LRRC4C: variants seen among roughly 807,000 people sequenced by gnomAD.
LRRC4C encodes the protein leucine rich repeat containing 4C.
LRRC4C carries 5 observed loss-of-function variants against 33.6 expected under a neutral mutation model. The observed-to-expected ratio is 0.15, with a 90% confidence interval of 0.08 to 0.31. The LOEUF is 0.31. Among genes scored for constraint, LRRC4C ranks in the 10% least tolerant of loss-of-function variants. The pLI is 1.00. For synonymous variants in LRRC4C, 329 were observed against 302.0 expected (o/e 1.09, Z -0.93); for missense variants, 560 against 796.7 (o/e 0.70, Z 3.58).
intron 1 of LRRC4C, among the ~76,000 whole-genome samples, chr11:41,124,936 C>T (rs2135793803): frequency 6.6e-6 from 1 of 152,210 alleles, no homozygotes; most frequent in South Asian, 2.1e-4. Flanking sequence ...CTGGGATACC[C>T]AACCCCATCA....
At chr11:40,673,537 C>T (rs557340182) in intron 2 of LRRC4C, among the ~76,000 whole-genome samples, 1 of 152,196 alleles carries the variant, frequency 6.6e-6, no homozygotes, top group South Asian at 2.1e-4. Context: ...AGAAAAGTAG[C>T]ATAACTTTCT....
chr11:40,748,757 C>T (rs1257881010), intron 2 of LRRC4C, among the ~76,000 whole-genome samples: 1 of 151,944 alleles, frequency 6.6e-6, no homozygotes. Flanking sequence ...TATAAAGACA[C>T]ATATAGATTG....
chr11:40,198,556 G>A (rs1862452463), intron 5 of LRRC4C, among the ~76,000 whole-genome samples: 1 of 152,180 alleles, frequency 6.6e-6, no homozygotes, highest in African/African-American at 2.4e-5. Context: ...TCCTTTGAGA[G>A]AGTTCCAGAA....
At chr11:40,707,250 G>A (rs1480118229) in intron 2 of LRRC4C, among the ~76,000 whole-genome samples, 2 of 152,132 alleles carry the variant, frequency 1.3e-5, no homozygotes, top group Non-Finnish European at 2.9e-5. Context: ...ACCCTATGTT[G>A]AATAGGAGTG....
At chr11:40,589,846 C>A (rs1243587249) in intron 3 of LRRC4C, among the ~76,000 whole-genome samples, 1 of 149,340 alleles carries the variant, frequency 6.7e-6, no homozygotes, top group Admixed American at 6.7e-5. Flanking sequence ...CCGAGAGATC[C>A]GCTGTTAGTC....
intron 3 of LRRC4C, among the ~76,000 whole-genome samples, chr11:40,522,127 A>G (rs1225600765): frequency 6.6e-6 from 1 of 152,162 alleles, no homozygotes; most frequent in Non-Finnish European, 1.5e-5. Flanking sequence ...GGTTCAAGCC[A>G]TTCTCCTGCC....
chr11:41,180,187 G>A (rs1331136253), intron 1 of LRRC4C, among the ~76,000 whole-genome samples: 2 of 152,108 alleles, frequency 1.3e-5, no homozygotes, highest in African/African-American at 4.8e-5. Context: ...AGGTCAATGC[G>A]ACTAGAGCAA....
chr11:41,159,905 TAG>T, intron 1 of LRRC4C, among the ~76,000 whole-genome samples: 1 of 152,196 alleles, frequency 6.6e-6, no homozygotes, highest in East Asian at 1.9e-4. Flanking sequence ...TGGAATATTA[TAG>T]AGTCATTAAA....
At chr11:40,571,450 G>T (rs1005660408) in intron 3 of LRRC4C, among the ~76,000 whole-genome samples, 5 of 152,124 alleles carry the variant, frequency 3.3e-5, no homozygotes, top group African/African-American at 1.2e-4. Flanking sequence ...ATTGCAGTAT[G>T]AAATAGAAAA....
intron 3 of LRRC4C, among the ~76,000 whole-genome samples, chr11:40,570,390 A>T: frequency 6.6e-6 from 1 of 152,092 alleles, no homozygotes; most frequent in Non-Finnish European, 1.5e-5. Flanking sequence ...GGTATAGAAA[A>T]CTGTCATTGT....
At chr11:40,863,098 A>G (rs1337292672) in intron 2 of LRRC4C, among the ~76,000 whole-genome samples, 1 of 152,238 alleles carries the variant, frequency 6.6e-6, no homozygotes, top group Non-Finnish European at 1.5e-5. Flanking sequence ...TATGTAGCTT[A>G]AACAGAGCAC....
chr11:41,162,406 C>T (rs6485254), intron 1 of LRRC4C, among the ~76,000 whole-genome samples: 100,899 of 152,014 alleles, frequency 0.66, 35,143 homozygotes, highest in Middle Eastern at 0.79. Flanking sequence ...TCAGTGATAC[C>T]CATAATTTCA....
At chr11:41,389,124 T>C (rs1463031563) in intron 1 of LRRC4C, among the ~76,000 whole-genome samples, 1 of 151,880 alleles carries the variant, frequency 6.6e-6, no homozygotes, top group Non-Finnish European at 1.5e-5. Flanking sequence ...TCTCTTTAAT[T>C]TGTAAGCAGA....
At chr11:41,411,745 T>C (rs1250646229) in intron 1 of LRRC4C, among the ~76,000 whole-genome samples, 2 of 152,204 alleles carry the variant, frequency 1.3e-5, no homozygotes, top group African/African-American at 4.8e-5. Flanking sequence ...TCCTGCTGTC[T>C]GCATGGGTTT....
intron 4 of LRRC4C, among the ~76,000 whole-genome samples, chr11:40,313,032 C>G (rs969283463): frequency 2.0e-5 from 3 of 152,102 alleles, no homozygotes; most frequent in Non-Finnish European, 2.9e-5. Flanking sequence ...GTGGTCTTAG[C>G]TTTACTTTAC....
chr11:41,084,208 C>T (rs1316630459), intron 1 of LRRC4C, among the ~76,000 whole-genome samples: 1 of 152,060 alleles, frequency 6.6e-6, no homozygotes, highest in Non-Finnish European at 1.5e-5. Flanking sequence ...GATGTAAAAC[C>T]CCAGATCATC....
At chr11:41,165,752 G>A (rs981742208) in intron 1 of LRRC4C, among the ~76,000 whole-genome samples, 3 of 151,958 alleles carry the variant, frequency 2.0e-5, no homozygotes, top group South Asian at 2.1e-4. Flanking sequence ...AAAAGGGGCC[G>A]GGCATAGTGG....
intron 3 of LRRC4C, among the ~76,000 whole-genome samples, chr11:40,628,982 CT>C (rs1464434465): frequency 1.3e-5 from 2 of 152,066 alleles, no homozygotes; most frequent in Non-Finnish European, 2.9e-5. Flanking sequence ...TACTTGTTAA[CT>C]AAACAAACGT....
intron 3 of LRRC4C, among the ~76,000 whole-genome samples, chr11:40,332,499 C>T (rs1048618458): frequency 6.6e-6 from 1 of 152,148 alleles, no homozygotes. Flanking sequence ...AACATAACTA[C>T]CAGGGCTTAG....
Sources: gnomAD v4.1 joint callset for allele counts (sites outside exome capture counted in the v4.1 genomes callset) on GRCh38, gnomAD v4.1.1 for gene constraint, MANE v1.5 for transcripts, NCBI Gene and HGNC (gene_info 2026-07-23, HGNC 2026-07-21) for gene names.